Variants in CPB2 observed in about 807,000 individuals in gnomAD.
CPB2 encodes the protein carboxypeptidase B2.
Under a neutral mutation model 57.0 loss-of-function variants are expected in CPB2, and 54 were observed. The observed-to-expected ratio is 0.95, with a 90% CI of 0.76 to 1.19. The LOEUF is 1.19. Among genes scored for constraint, CPB2 ranks in the 50% most tolerant of loss-of-function variants. CPB2 has a pLI of 0.00. For synonymous variants in CPB2, 189 were observed against 178.1 expected, an observed-to-expected ratio of 1.06 and a Z score of -0.49; for missense variants, 426 against 512.0, an observed-to-expected ratio of 0.83 and a Z score of 1.62.
At chr13:46,078,346 G>A (rs930528802) in intron 5 of CPB2, among the ~76,000 whole-genome samples, 2 of 151,268 alleles carry the variant, frequency 1.3e-5, no homozygotes, top group African/African-American at 4.9e-5. Flanking sequence ...GTCCACTAAC[G>A]AAAATAAAAC....
intron 1 of CPB2, among the ~76,000 whole-genome samples, chr13:46,091,352 T>C (rs979380188): frequency 1.3e-5 from 2 of 152,232 alleles, no homozygotes; most frequent in Non-Finnish European, 2.9e-5. Context: ...ATAGAGCCCC[T>C]TTTCCCCTTC....
At chr13:46,055,587 T>C (rs2139340604) in intron 10 of CPB2, among the ~76,000 whole-genome samples, 175 bp downstream of exon 10, 1 of 152,370 alleles carries the variant, frequency 6.6e-6, no homozygotes, top group East Asian at 1.9e-4. Context: ...TTTATTAATA[T>C]AGCTTTGTTC....
In CPB2 at chr13:46,105,015, C is replaced by T. The variant is rs1270873969; in HGVS notation, c.-6G>A. On this transcript the variant is annotated 5_prime_UTR_variant, in exon 1 of 11. Coordinates refer to ENST00000181383, the MANE Select transcript of CPB2 (RefSeq NM_001872.5). ...GCAAGGCTGCAAAGCTTCATCCCAA[C>T]AGCAATTTTCTGTACAACAAATTTC... The T allele has an allele frequency of 6.2e-7, 1 of 1,613,888 alleles. No homozygotes were observed. Among genetic ancestry groups the T allele is most frequent in the Admixed American group, 1.7e-5 (1 of 59,982 alleles).
At chr13:46,056,355 G>C (rs1311021665) in intron 9 of CPB2, among the ~76,000 whole-genome samples, 1 of 152,028 alleles carries the variant, frequency 6.6e-6, no homozygotes, top group Non-Finnish European at 1.5e-5. Flanking sequence ...AATCAAAAAA[G>C]ATTATGCCTC....
chr13:46,064,557 C>A, intron 8 of CPB2, 91 bp downstream of exon 8: 1 of 1,000,478 alleles, frequency 1.0e-6, no homozygotes, highest in Non-Finnish European at 1.6e-6. Flanking sequence ...GACAGGCCAG[C>A]TCTGTATTTA....
intron 6 of CPB2, among the ~76,000 whole-genome samples, chr13:46,068,756 T>C (rs541532296): frequency 1.3e-5 from 2 of 151,860 alleles, no homozygotes; most frequent in South Asian, 4.2e-4. Flanking sequence ...GTGTTCTCAT[T>C]GTTCAGCTCC....
At chr13:46,101,759 T>G (rs2045437273) in intron 1 of CPB2, among the ~76,000 whole-genome samples, 1 of 152,192 alleles carries the variant, frequency 6.6e-6, no homozygotes, top group Non-Finnish European at 1.5e-5. Context: ...ATTGCCCAAG[T>G]CTGCATGGGT....
At chr13:46,056,375 G>A (rs1046029674) in intron 9 of CPB2, among the ~76,000 whole-genome samples, 23 of 152,108 alleles carry the variant, frequency 1.5e-4, no homozygotes, top group African/African-American at 5.6e-4. Context: ...CTGGTATGGA[G>A]CAGGATAATA....
chr13:46,085,287 G>A (rs961924186), intron 2 of CPB2, among the ~76,000 whole-genome samples: 2 of 152,198 alleles, frequency 1.3e-5, no homozygotes, highest in Non-Finnish European at 2.9e-5. Flanking sequence ...ACCTAGAAAT[G>A]ACAGAACAAG....
At chr13:46,094,591 G>A (rs1455633138) in intron 1 of CPB2, among the ~76,000 whole-genome samples, 2 of 152,126 alleles carry the variant, frequency 1.3e-5, no homozygotes, top group Non-Finnish European at 2.9e-5. Context: ...GAGAAGCCAG[G>A]CGGGAGGGCT....
At position 46,067,289 on chromosome 13, in the gene CPB2, C is replaced by A; in HGVS notation, c.702+18G>T. The A allele has an allele frequency of 8.0e-7, 1 of 1,245,112 alleles. No homozygotes were observed. The highest frequency in any genetic ancestry group is 2.3e-5 in the East Asian group (1 of 42,926). 77.1% of individuals were successfully genotyped at this position (1,245,112 alleles called of 1,614,324 possible). A position where few individuals can be genotyped will look rare whatever the true frequency, so the allele number is the denominator to read the frequency against. ...CCCCAAGGAGAACATGATTTGTCTT[C>A]TTTGCCTTTTCTCCTACCTTTTTCC... On this transcript the variant is annotated intron_variant, in intron 7 of 10. Coordinates refer to ENST00000181383, the MANE Select transcript of CPB2 (RefSeq NM_001872.5).
intron 6 of CPB2, 37 bp downstream of exon 6, chr13:46,073,836 T>C (rs1211606243): frequency 2.9e-6 from 4 of 1,381,404 alleles, no homozygotes; most frequent in Non-Finnish European, 4.0e-6. Context: ...TTGGGCACCA[T>C]TTTGAGAAAT....
intron 8 of CPB2, among the ~76,000 whole-genome samples, chr13:46,062,285 C>T (rs1319440541): frequency 6.6e-6 from 1 of 152,160 alleles, no homozygotes; most frequent in Non-Finnish European, 1.5e-5. Context: ...GAACTGATAA[C>T]TTGGGTTTAT....
At chr13:46,095,876 C>CTTTTTT (rs34686626) in intron 1 of CPB2, among the ~76,000 whole-genome samples, 5 of 85,744 alleles carry the variant, frequency 5.8e-5, no homozygotes, top group African/African-American at 9.9e-5. Context: ...GGCTATAGGA[C>CTTTTTT]TTTTTTTTTT....
chr13:46,080,971 CAAA>C (rs11412601), intron 4 of CPB2, among the ~76,000 whole-genome samples: 9 of 98,644 alleles, frequency 9.1e-5, no homozygotes, highest in African/African-American at 3.2e-4. Context: ...AACTCTGTCT[CAAA>C]AAAAAAAAAA....
chr13:46,075,274 G>T (rs1459412800), intron 5 of CPB2, among the ~76,000 whole-genome samples: 3 of 152,172 alleles, frequency 2.0e-5, no homozygotes, highest in Admixed American at 6.5e-5. Context: ...GAACTACCTA[G>T]CTTAATCTAC....
chr13:46,063,310 C>T (rs1437628263), intron 8 of CPB2, among the ~76,000 whole-genome samples: 1 of 151,854 alleles, frequency 6.6e-6, no homozygotes, highest in Non-Finnish European at 1.5e-5. Flanking sequence ...TCAACTCTTT[C>T]CCCTCTCTCT....
At chr13:46,087,094 G>C (rs2045219690) in intron 2 of CPB2, among the ~76,000 whole-genome samples, 1 of 152,178 alleles carries the variant, frequency 6.6e-6, no homozygotes, top group Non-Finnish European at 1.5e-5. Context: ...CGCCCAGGAG[G>C]GCAGGGCTCC....
intron 8 of CPB2, among the ~76,000 whole-genome samples, chr13:46,060,270 G>A (rs556308403): frequency 1.4e-3 from 216 of 152,104 alleles, no homozygotes; most frequent in Middle Eastern, 0.014. Context: ...CGACACCAGC[G>A]AGGCCAACAT....
Sources: gnomAD v4.1 joint callset for allele counts (sites outside exome capture counted in the v4.1 genomes callset) on GRCh38, gnomAD v4.1.1 for gene constraint, MANE v1.5 for transcripts, NCBI Gene and HGNC (gene_info 2026-07-23, HGNC 2026-07-21) for gene names.